The following RIMS2 variants were observed in gnomAD, a reference collection of about 807,000 sequenced individuals.
RIMS2 encodes the protein regulating synaptic membrane exocytosis 2.
A neutral mutation model predicts 174.4 loss-of-function variants in RIMS2; 59 were observed. That is an observed-to-expected ratio of 0.34 (90% confidence interval 0.27 to 0.42). RIMS2 has a LOEUF of 0.42. Among genes scored for constraint, RIMS2 ranks in the 10% least tolerant of loss-of-function variants. The probability of loss-of-function intolerance (pLI) is 1.00; values close to 1 mark genes in which losing one functional copy is unlikely to be tolerated. For synonymous variants in RIMS2, 606 were observed against 572.5 expected (o/e 1.06, Z -0.84); for missense variants, 1,620 against 1,666.3 (o/e 0.97, Z 0.48).
intron 1 of RIMS2, among the ~76,000 whole-genome samples, chr8:103,548,061 C>T (rs1845928499): frequency 6.6e-6 from 1 of 152,152 alleles, no homozygotes; most frequent in Non-Finnish European, 1.5e-5. Flanking sequence ...GATGAATCCA[C>T]AGTTGGATTC....
At chr8:103,968,991 G>A (rs1250646186) in intron 15 of RIMS2, among the ~76,000 whole-genome samples, 1 of 151,986 alleles carries the variant, frequency 6.6e-6, no homozygotes, top group African/African-American at 2.4e-5. Context: ...AGGATTCTAG[G>A]TTGGTGGTTT....
intron 4 of RIMS2, among the ~76,000 whole-genome samples, chr8:103,894,015 A>C (rs1049080679): frequency 1.3e-5 from 2 of 152,138 alleles, no homozygotes; most frequent in African/African-American, 4.8e-5. Flanking sequence ...AATGTGGATC[A>C]CATGTTACCA....
At chr8:103,892,204 A>ATT (rs5893667) in intron 4 of RIMS2, among the ~76,000 whole-genome samples, 113 of 147,148 alleles carry the variant, frequency 7.7e-4, no homozygotes, top group Middle Eastern at 3.5e-3. Flanking sequence ...CTAGATAACA[A>ATT]TTTTTTTTTT....
chr8:103,629,898 T>G (rs953440700), intron 1 of RIMS2, among the ~76,000 whole-genome samples: 4 of 151,990 alleles, frequency 2.6e-5, no homozygotes, highest in African/African-American at 7.3e-5. Context: ...TCTTGGATAC[T>G]CTGGCAGTAC....
At chr8:103,860,716 T>C (rs2099054154) in intron 3 of RIMS2, among the ~76,000 whole-genome samples, 1 of 152,122 alleles carries the variant, frequency 6.6e-6, no homozygotes, top group Non-Finnish European at 1.5e-5. Context: ...TTTTTCTTAA[T>C]TCAACATTTC....
intron 19 of RIMS2, among the ~76,000 whole-genome samples, chr8:104,077,570 C>T (rs920062483): frequency 1.3e-5 from 2 of 150,478 alleles, no homozygotes; most frequent in Non-Finnish European, 3.0e-5. Context: ...ATCTAAATAT[C>T]TGTCTATTGG....
At chr8:104,004,292 C>T (rs1228101961) in intron 17 of RIMS2, among the ~76,000 whole-genome samples, 2 of 152,086 alleles carry the variant, frequency 1.3e-5, no homozygotes, top group Non-Finnish European at 2.9e-5. Flanking sequence ...AGAAGTTTTT[C>T]CCTGCCTGAG....
intron 19 of RIMS2, among the ~76,000 whole-genome samples, chr8:104,081,766 T>C (rs1215527755): frequency 1.3e-5 from 2 of 152,134 alleles, no homozygotes; most frequent in Non-Finnish European, 2.9e-5. Context: ...ATGAGAAAGC[T>C]AGATTACATT....
chr8:103,630,596 A>AG lies in RIMS2; in HGVS notation c.177-66490_177-66489insG, dbSNP rs1395830349. ...ACTCCATCTCAAAAAAAAAAAAAAA[A>AG]AAAAAGAAACAAAGATGTCTACATG... On this transcript the variant is annotated intron_variant, in intron 1 of 23. Coordinates refer to ENST00000504942, the Ensembl canonical transcript of RIMS2. 4.7e-5 allele frequency among the ~76,000 whole-genome samples: 7 copies of AG among 148,326 alleles called. No homozygotes were observed. In the East Asian group the frequency reaches 1.2e-3, roughly 25 times the overall value.
chr8:103,507,714 C>G (rs1019565290), intron 1 of RIMS2, among the ~76,000 whole-genome samples: 2 of 151,972 alleles, frequency 1.3e-5, no homozygotes, highest in African/African-American at 4.8e-5. Context: ...TGACTAGAAA[C>G]TAGAAGAACA....
At chr8:103,926,541 G>A (rs1391633749) in intron 10 of RIMS2, among the ~76,000 whole-genome samples, 1 of 151,446 alleles carries the variant, frequency 6.6e-6, no homozygotes, top group Non-Finnish European at 1.5e-5. Context: ...GCTTTCCTTT[G>A]GGTTTTAGAT....
At chr8:103,678,892 G>GT (rs1564259834) in intron 1 of RIMS2, among the ~76,000 whole-genome samples, 3 of 151,808 alleles carry the variant, frequency 2.0e-5, no homozygotes, top group Admixed American at 6.6e-5. Flanking sequence ...GGTGGTTACT[G>GT]TTTTTTTTAA....
intron 1 of RIMS2, among the ~76,000 whole-genome samples, chr8:103,502,556 C>G (rs1035413151): frequency 6.6e-6 from 1 of 152,104 alleles, no homozygotes; most frequent in Non-Finnish European, 1.5e-5. Flanking sequence ...AATTAAGAGA[C>G]TTAAGCAGTT....
chr8:103,756,405 C>CTTT, intron 2 of RIMS2, among the ~76,000 whole-genome samples: 1 of 128,750 alleles, frequency 7.8e-6, no homozygotes, highest in African/African-American at 2.8e-5. Flanking sequence ...TTTTTTTTTG[C>CTTT]AGGACTCTTG....
intron 3 of RIMS2, among the ~76,000 whole-genome samples, chr8:103,798,966 G>A (rs2098581594): frequency 6.7e-6 from 1 of 150,320 alleles, no homozygotes; most frequent in African/African-American, 2.5e-5. Flanking sequence ...AAGGAGGAGA[G>A]ATTCAAAGCA....
At chr8:103,989,107 T>C (rs963788265) in intron 16 of RIMS2, among the ~76,000 whole-genome samples, 198 bp from the exon 19 acceptor site, 3 of 152,216 alleles carry the variant, frequency 2.0e-5, no homozygotes, top group African/African-American at 7.2e-5. Context: ...GTGCTGCATC[T>C]CTTGTAGCAG....
At chr8:103,851,915 A>C (rs561405477) in intron 3 of RIMS2, among the ~76,000 whole-genome samples, 3 of 152,058 alleles carry the variant, frequency 2.0e-5, no homozygotes, top group South Asian at 2.1e-4. Context: ...TAAAGAACAA[A>C]AAAAAAAATT....
At chr8:103,823,246 G>A (rs191447818) in intron 3 of RIMS2, among the ~76,000 whole-genome samples, 32 of 151,864 alleles carry the variant, frequency 2.1e-4, no homozygotes, top group East Asian at 9.7e-4. Flanking sequence ...CTTTCTCTCC[G>A]TATACGTACA....
chr8:104,080,256 G>C (rs1004763935), intron 19 of RIMS2, among the ~76,000 whole-genome samples: 1 of 151,954 alleles, frequency 6.6e-6, no homozygotes, highest in African/African-American at 2.4e-5. Flanking sequence ...GTACTTTGGA[G>C]GCAGCATTGA....
Sources: allele counts gnomAD v4.1 joint callset (sites outside exome capture counted in the v4.1 genomes callset), GRCh38; gene constraint gnomAD v4.1.1; transcripts MANE v1.5; gene names NCBI Gene and HGNC (gene_info 2026-07-23, HGNC 2026-07-21).